TTC39A: variants seen among roughly 807,000 people sequenced by gnomAD.
The protein encoded by TTC39A is tetratricopeptide repeat protein 39A.
TTC39A carries 46 observed loss-of-function variants against 82.3 expected under a neutral mutation model. The observed-to-expected ratio is 0.56, with a 90% CI of 0.44 to 0.71. The LOEUF is 0.71. Ranked by LOEUF, TTC39A falls within the 30% of genes least tolerant of loss-of-function variation. The pLI, the probability that TTC39A is intolerant of heterozygous loss-of-function variation, is 0.00. For missense variants in TTC39A, 543 were observed against 712.9 expected (o/e 0.76, Z 2.71); for synonymous variants, 254 against 275.2 (o/e 0.92, Z 0.76).
rs1475787724 is a variant in TTC39A, at chr1:51,309,243, A to T, written c.488+18T>A. On this transcript the variant is annotated intron_variant, in intron 6 of 17. Transcript: ENST00000680483. ...TGGCCCAGGGTCTCCCCACAAGCGG[A>T]TGGCCAGCCCCACTCACTTGTAGGT... 1 of 1,594,314 alleles carries T rather than the reference A, an allele frequency of 6.3e-7. No homozygotes were observed. The highest frequency in any genetic ancestry group is 8.6e-7 in the Non-Finnish European group (1 of 1,168,798).
Position 51,294,330 on chromosome 1 carries a change from C to G in TTC39A, c.1266+61G>C. On this transcript the variant is annotated intron_variant, in intron 14 of 17. Transcript: ENST00000680483. The surrounding 1 kb of genome is among the most constrained non-coding windows in gnomAD (Gnocchi z 4.3). The stretch of plus-strand genomic sequence containing the variant: ...CATCCACCTCCCCCTGGCTGTGGCT[C>G]TCAGTGAATCCCCACAATCCTATAC... The G allele has an allele frequency of 8.1e-6, 13 of 1,606,590 alleles. No homozygotes were observed. Among genetic ancestry groups the G allele is most frequent in the Non-Finnish European group, 1.1e-5 (13 of 1,174,474 alleles).
At position 51,288,217 on chromosome 1, in the gene TTC39A, G is replaced by C. The variant is rs772365533; in HGVS notation, c.1674C>G (p.Leu558=). 6 of 1,613,940 alleles carry C rather than the reference G, an allele frequency of 3.7e-6. No individual in the cohort carries two copies. In the South Asian group the frequency reaches 4.4e-5, roughly 12 times the overall value. Residue 558 remains leucine (L), a synonymous_variant, in exon 18 of 18, where the codon CTC becomes CTG. Coordinates refer to ENST00000680483, the MANE Select transcript of TTC39A (RefSeq NM_001297663.2). The surrounding 1 kb of genome is among the most constrained non-coding windows in gnomAD (Gnocchi z 4.8). ...TGTTCTCTAGGGAAGACTTGGCTTG[G>C]AGTGTGGCTGCCTGGATTCGAAAGT... ...RTHFRIQAAT[L]QAKSSLENSS... is the part of the protein sequence containing the mutation.
intron 6 of TTC39A, among the ~76,000 whole-genome samples, chr1:51,307,771 C>T (rs1644928674): frequency 6.6e-6 from 1 of 151,206 alleles, no homozygotes; most frequent in African/African-American, 2.4e-5. Context: ...TTTACTTTTC[C>T]TCTTTTTTTC....
intron 1 of TTC39A, among the ~76,000 whole-genome samples, chr1:51,339,808 C>T (rs889526695): frequency 3.3e-5 from 5 of 152,162 alleles, no homozygotes; most frequent in Admixed American, 6.5e-5. Flanking sequence ...TGGCCTCAGC[C>T]GAGCTGCTGG....
chr1:51,320,926 G>A (rs1377619073), intron 2 of TTC39A, among the ~76,000 whole-genome samples: 2 of 146,178 alleles, frequency 1.4e-5, no homozygotes, highest in South Asian at 2.2e-4. Context: ...AAGCTGGAGT[G>A]CAGTGGCACG....
chr1:51,312,363 C>G (rs1490246177), intron 3 of TTC39A, among the ~76,000 whole-genome samples, 168 bp from the exon 4 acceptor site: 1 of 152,192 alleles, frequency 6.6e-6, no homozygotes, highest in Non-Finnish European at 1.5e-5. Flanking sequence ...AAAAAAGTCA[C>G]TTAACTTCTC....
rs1433587337 is a variant in TTC39A at position 51,305,988 on chromosome 1, C to T, written c.577G>A (p.Ala193Thr). The change falls in exon 7 of 18, where the codon GCC (alanine) becomes ACC (threonine). Residue 193 changes from alanine to threonine, a missense_variant. Coordinates refer to ENST00000680483, the MANE Select transcript of TTC39A (RefSeq NM_001297663.2). The part of the protein sequence containing the change: ...FEGGVKLGVG[A>T]FNLTLSMLPT... Reference sequence around the variant, plus strand: ...GGAGGAGCACTCACCAGGTTGAAGGCCCCTACACCAAGCTTCACTCCTCCT... The same window carrying T: ...GGAGGAGCACTCACCAGGTTGAAGGTCCCTACACCAAGCTTCACTCCTCCT... The T allele has an allele frequency of 1.2e-6, 2 of 1,613,830 alleles. No individual in the cohort carries two copies. The highest frequency in any genetic ancestry group is 1.1e-5 in the South Asian group (1 of 91,078).
In TTC39A at chr1:51,288,094, G is replaced by T; in HGVS notation, c.*63C>A. On this transcript the variant is annotated 3_prime_UTR_variant, in exon 18 of 18. Coordinates refer to ENST00000680483, the MANE Select transcript of TTC39A (RefSeq NM_001297663.2). This position sits in a 1 kb window ranked among gnomAD's most constrained non-coding sequence, Gnocchi z 4.8. The stretch of plus-strand genomic sequence containing the variant: ...GCAGGGCAGGGGGAGGGGGTATTTT[G>T]AAATGTTTTCAGGAGCTCTGTCCAG... The T allele has an allele frequency of 6.3e-7, 1 of 1,599,632 alleles. No homozygotes were observed. Among genetic ancestry groups the T allele is most frequent in the Non-Finnish European group, 8.5e-7 (1 of 1,170,992 alleles).
At chr1:51,314,061 C>T (rs1645192923) in intron 2 of TTC39A, among the ~76,000 whole-genome samples, 1 of 152,220 alleles carries the variant, frequency 6.6e-6, no homozygotes. Flanking sequence ...TGTGACTCAT[C>T]TCTGTCCTCA....
intron 12 of TTC39A, chr1:51,299,949 GCTTTGTC>G (rs1171548866): frequency 1.3e-5 from 2 of 152,264 alleles, no homozygotes; most frequent in Non-Finnish European, 2.9e-5. Flanking sequence ...GTTCCCTGAG[GCTTTGTC>G]CTTTTTGGGA....
chr1:51,289,938 T>C, intron 16 of TTC39A, 67 bp downstream of exon 16: 4 of 1,385,126 alleles, frequency 2.9e-6, no homozygotes, highest in Non-Finnish European at 4.0e-6. Flanking sequence ...GGCATGAGGA[T>C]GGAGAAGCCC....
chr1:51,330,355 G>A lies in TTC39A; in HGVS notation c.41+82C>T. 1 of 927,264 alleles carries A rather than the reference G, an allele frequency of 1.1e-6. No homozygotes were observed. The highest frequency in any genetic ancestry group is 1.3e-6 in the Non-Finnish European group (1 of 779,070). 57.4% of individuals were successfully genotyped at this position (927,264 alleles called of 1,614,324 possible). A position where few individuals can be genotyped will look rare whatever the true frequency, so the allele number is the denominator to read the frequency against. On this transcript the variant is annotated intron_variant, in intron 1 of 17. Transcript: ENST00000680483. This position sits in a 1 kb window ranked among gnomAD's most constrained non-coding sequence, Gnocchi z 4.5. ...GCGGCCCCAGGCCGGTGCGCGGGGGGAGGCCTGGCGCGGCGCCCGCCACCT... is the reference window on the plus strand; with the variant it reads ...GCGGCCCCAGGCCGGTGCGCGGGGGAAGGCCTGGCGCGGCGCCCGCCACCT...
intron 2 of TTC39A, among the ~76,000 whole-genome samples, chr1:51,315,770 ACAGG>A (rs1645260548): frequency 6.6e-6 from 1 of 152,164 alleles, no homozygotes; most frequent in Admixed American, 6.6e-5. Flanking sequence ...GAGCCTTTGC[ACAGG>A]CTGTTCCCTC....
chr1:51,288,081 G>T lies in TTC39A; in HGVS notation c.*76C>A. 6.3e-7 allele frequency: 1 copy of T among 1,579,150 alleles called. No individual in the cohort carries two copies. Among genetic ancestry groups the T allele is most frequent in the Admixed American group, 1.8e-5 (1 of 56,026 alleles). ...CCCCAAAGGCAGGGCAGGGCAGGGG[G>T]AGGGGGTATTTTGAAATGTTTTCAG... On this transcript the variant is annotated 3_prime_UTR_variant, in exon 18 of 18. Transcript: ENST00000680483. This position sits in a 1 kb window ranked among gnomAD's most constrained non-coding sequence, Gnocchi z 4.8.
intron 12 of TTC39A, 61 bp downstream of exon 12, chr1:51,301,511 G>T: frequency 6.6e-7 from 1 of 1,519,080 alleles, no homozygotes. Flanking sequence ...TTGGCCCGTG[G>T]TCTGGAGGCA....
At chr1:51,306,763 T>C (rs1644880548) in intron 6 of TTC39A, among the ~76,000 whole-genome samples, 1 of 152,014 alleles carries the variant, frequency 6.6e-6, no homozygotes, top group African/African-American at 2.4e-5. Context: ...ATTAGCAAGC[T>C]TGAAGCTTCT....
Position 51,321,187 on chromosome 1 carries a change from A to G in TTC39A, c.146+534T>C, listed in dbSNP as rs1376958437. 6.6e-6 allele frequency among the ~76,000 whole-genome samples: 1 copy of G among 152,220 alleles called. No homozygotes were observed. Among genetic ancestry groups the G allele is most frequent in the African/African-American group, 2.4e-5 (1 of 41,462 alleles). ...CCACGCCCAGCCCAATAAATGTTTT[A>G]AAGTGATAAGAAAGGGTGAGTTTTA... On this transcript the variant is annotated intron_variant, in intron 2 of 17. Transcript: ENST00000680483. The surrounding 1 kb of genome is among the most constrained non-coding windows in gnomAD (Gnocchi z 4.6).
chr1:51,336,084 A>AC (rs1473142275), upstream of TTC39A, among the ~76,000 whole-genome samples: 1 of 151,478 alleles, frequency 6.6e-6, no homozygotes, highest in East Asian at 1.9e-4. Context: ...AGAGTCTAGA[A>AC]CCCTTCCTCT....
upstream of TTC39A, chr1:51,330,663 G>C (rs1645884093): frequency 1.0e-5 from 10 of 974,750 alleles, no homozygotes; most frequent in Admixed American, 5.9e-5. This position sits in a 1 kb window ranked among gnomAD's most constrained non-coding sequence, Gnocchi z 4.5. Flanking sequence ...GTAGGGCCAT[G>C]GCCGCCCGCG....
Sources: gnomAD v4.1 joint callset for allele counts (sites outside exome capture counted in the v4.1 genomes callset) on GRCh38, gnomAD v4.1.1 for gene constraint, Gnocchi (gnomAD v3.1) non-coding constraint, MANE v1.5 for transcripts, NCBI Gene and HGNC (gene_info 2026-07-23, HGNC 2026-07-21) for gene names.